The following VAV2 variants were observed in gnomAD, a reference collection of about 807,000 sequenced individuals.
VAV2 encodes the protein vav guanine nucleotide exchange factor 2, also known as guanine nucleotide exchange factor VAV2.
VAV2 carries 67 observed loss-of-function variants against 132.5 expected under a neutral mutation model. That is an observed-to-expected ratio of 0.51 (90% CI 0.42 to 0.62). The LOEUF (loss-of-function observed/expected upper bound fraction) is 0.62. VAV2 is among the 20% of genes least tolerant of loss of function. VAV2 has a pLI of 0.00. For synonymous variants in VAV2, 492 were observed against 443.5 expected (o/e 1.11, Z -1.37); for missense variants, 938 against 1,153.6 (o/e 0.81, Z 2.71).
rs1031002500 is a variant in VAV2 at position 133,879,266 on chromosome 9, C to T, written c.322-17834G>A. On this transcript the variant is annotated intron_variant, in intron 2 of 29. Transcript: ENST00000371850. The surrounding 1 kb of genome is among the most constrained non-coding windows in gnomAD (Gnocchi z 4.4). ...TACACTTTGAGCAGCTGCTGCGTAC[C>T]AAGCACTGTGCTAGGGTGACCTCTG... 1.3e-5 allele frequency among the ~76,000 whole-genome samples: 2 copies of T among 152,134 alleles called. No individual in the cohort carries two copies. Among genetic ancestry groups the T allele is most frequent in the Non-Finnish European group, 2.9e-5 (2 of 68,028 alleles).
At chr9:133,869,377 G>A (rs536272055) in intron 2 of VAV2, among the ~76,000 whole-genome samples, 11 of 152,192 alleles carry the variant, frequency 7.2e-5, no homozygotes, top group Non-Finnish European at 1.5e-4. Flanking sequence ...AGGCTGAGAC[G>A]GGAGGATTGC....
chr9:133,770,610 T>C, intron 26 of VAV2, 109 bp from the exon 27 acceptor site: 1 of 1,501,106 alleles, frequency 6.7e-7, no homozygotes, highest in Non-Finnish European at 9.0e-7. Context: ...GAGACTAGCT[T>C]CCTGGACTCC....
At chr9:133,773,685 A>G (rs1318309253) in intron 25 of VAV2, among the ~76,000 whole-genome samples, 2 of 152,112 alleles carry the variant, frequency 1.3e-5, no homozygotes, top group Non-Finnish European at 2.9e-5. Flanking sequence ...TAAGACAACA[A>G]TGCCTTCTTC....
Position 133,828,518 on chromosome 9 carries a change from G to A in VAV2, c.449+5754C>T, listed in dbSNP as rs183678411. ...CTGAGCACGGGCATCGCCGGCATGC[G>A]GCCACCTTCCTGGACACCCAGCAGT... On this transcript the variant is annotated intron_variant, in intron 4 of 29. Transcript: ENST00000371850. 5.4e-4 allele frequency among the ~76,000 whole-genome samples: 82 copies of A among 152,160 alleles called. 1 individual carries two copies. The highest frequency in any genetic ancestry group is 1.7e-3 in the African/African-American group (72 of 41,440).
At chr9:133,818,237 G>A in intron 4 of VAV2, among the ~76,000 whole-genome samples, 1 of 152,024 alleles carries the variant, frequency 6.6e-6, no homozygotes, top group East Asian at 1.9e-4. Flanking sequence ...ATGGTGGCGG[G>A]CACCTGAAGT....
chr9:133,923,696 A>G (rs1041544087), intron 2 of VAV2, among the ~76,000 whole-genome samples: 35 of 152,216 alleles, frequency 2.3e-4, no homozygotes, highest in Admixed American at 2.3e-3. Context: ...GCACATGTAT[A>G]TTTATTGCGG....
chr9:133,989,663 C>T (rs957153957), intron 1 of VAV2, among the ~76,000 whole-genome samples: 1 of 151,970 alleles, frequency 6.6e-6, no homozygotes, highest in Non-Finnish European at 1.5e-5. Flanking sequence ...CCAGCCTGGG[C>T]GACAGAGCAA....
chr9:133,962,810 A>G (rs1009445496), intron 1 of VAV2, among the ~76,000 whole-genome samples: 1 of 152,140 alleles, frequency 6.6e-6, no homozygotes, highest in African/African-American at 2.4e-5. Flanking sequence ...TTTCCCTTTT[A>G]TGTTATTAAG....
chr9:133,812,282 A>AGCACGAGGGT (rs1835389054), intron 4 of VAV2, 66 bp from the exon 5 acceptor site: 1 of 1,523,132 alleles, frequency 6.6e-7, no homozygotes, highest in Admixed American at 1.7e-5. Context: ...GGAGCCGCAG[A>AGCACGAGGGT]GCACGAGGGT....
rs1249027124 is a variant in VAV2, at chr9:133,992,194, C to T, written c.85G>A (p.Val29Met). The part of the protein sequence containing the change: ...PNHRVVWPSA[V>M]VFDLAQALRD... Reference sequence around the variant, plus strand: ...AGCGCCTGCGCCAGGTCGAAGACCACGGCCGAGGGCCACACCACCCGGTGG... The same window carrying T: ...AGCGCCTGCGCCAGGTCGAAGACCATGGCCGAGGGCCACACCACCCGGTGG... The change falls in exon 1 of 30, where the codon GTG (valine) becomes ATG (methionine). Residue 29 changes from valine (V) to methionine (M), a missense_variant. Val to Met is a conservative substitution (Grantham distance 21). Coordinates refer to ENST00000371850, the MANE Select transcript of VAV2 (RefSeq NM_001134398.2). The surrounding 1 kb of genome is among the most constrained non-coding windows in gnomAD (Gnocchi z 5.5). 2.5e-6 allele frequency: 4 copies of T among 1,597,038 alleles called. No homozygotes were observed. In the Admixed American group the frequency reaches 6.8e-5, roughly 27 times the overall value.
intron 3 of VAV2, among the ~76,000 whole-genome samples, chr9:133,853,153 G>A (rs549130610): frequency 1.3e-5 from 2 of 152,334 alleles, no homozygotes; most frequent in African/African-American, 4.8e-5. Context: ...AGCCTTCTCC[G>A]TGGGGCCAGG....
chr9:133,785,513 C>T (rs1316232054), intron 17 of VAV2, among the ~76,000 whole-genome samples: 7 of 152,208 alleles, frequency 4.6e-5, no homozygotes, highest in Non-Finnish European at 1.0e-4. Flanking sequence ...TGGGATGGCT[C>T]ATTCCAGCAG....
rs555641305 is a variant in VAV2, at chr9:133,821,472, C to T, written c.450-9256G>A. Among the ~76,000 whole-genome samples, 3 of 152,238 alleles carry T rather than the reference C, an allele frequency of 2.0e-5. No homozygotes were observed. In the East Asian group the frequency reaches 5.8e-4, roughly 29 times the overall value. On this transcript the variant is annotated intron_variant, in intron 4 of 29. Transcript: ENST00000371850. Reference sequence around the variant, plus strand: ...ATCTGCAACAGGAGAGTGACAGTTCCAAGGATCAGCCATCATGTACAAGAC... The same window carrying T: ...ATCTGCAACAGGAGAGTGACAGTTCTAAGGATCAGCCATCATGTACAAGAC...
intron 1 of VAV2, among the ~76,000 whole-genome samples, chr9:133,943,676 C>A (rs1313534312): frequency 6.6e-6 from 1 of 152,170 alleles, no homozygotes; most frequent in East Asian, 1.9e-4. Flanking sequence ...TTGTTTAGGG[C>A]ACTCTGAGGG....
At chr9:133,894,577 G>C (rs1461900753) in intron 2 of VAV2, among the ~76,000 whole-genome samples, 2 of 152,192 alleles carry the variant, frequency 1.3e-5, no homozygotes, top group African/African-American at 4.8e-5. Flanking sequence ...TCTGTCCAGG[G>C]AGGCATGAGG....
intron 13 of VAV2, among the ~76,000 whole-genome samples, chr9:133,790,191 G>A (rs1322633709): frequency 2.6e-5 from 4 of 152,280 alleles, no homozygotes; most frequent in East Asian, 3.9e-4. Context: ...TGTTGTTGTC[G>A]TTTTTGAGAT....
intron 2 of VAV2, among the ~76,000 whole-genome samples, chr9:133,896,753 T>C (rs1486630919): frequency 6.6e-6 from 1 of 152,130 alleles, no homozygotes; most frequent in East Asian, 1.9e-4. Context: ...TTGATATTAA[T>C]ATAAATGACA....
intron 2 of VAV2, among the ~76,000 whole-genome samples, chr9:133,937,530 G>C (rs958002862): frequency 4.9e-5 from 5 of 101,384 alleles, no homozygotes; most frequent in Admixed American, 4.7e-4. Flanking sequence ...GTGTGAGAGT[G>C]TGTGTGAGAG....
At chr9:133,867,728 G>A (rs1384987373) in intron 2 of VAV2, among the ~76,000 whole-genome samples, 6 of 152,262 alleles carry the variant, frequency 3.9e-5, no homozygotes, top group African/African-American at 1.4e-4. Context: ...GAAAGGACAT[G>A]CACCTTCTCC....
Sources: gnomAD v4.1 joint callset for allele counts (sites outside exome capture counted in the v4.1 genomes callset) on GRCh38, gnomAD v4.1.1 for gene constraint, Gnocchi (gnomAD v3.1) non-coding constraint, MANE v1.5 for transcripts, NCBI Gene and HGNC (gene_info 2026-07-23, HGNC 2026-07-21) for gene names.